Variants in CDK17 observed in about 807,000 individuals in gnomAD.
CDK17 encodes cyclin dependent kinase 17, also known as cyclin-dependent kinase 17.
Under a neutral mutation model 77.6 loss-of-function variants are expected in CDK17, and 24 were observed. The observed-to-expected ratio is 0.31, with a 90% CI of 0.22 to 0.44. The LOEUF (loss-of-function observed/expected upper bound fraction) is 0.44. Among genes scored for constraint, CDK17 ranks in the 20% least tolerant of loss-of-function variants. The probability of loss-of-function intolerance (pLI) is 1.00; values close to 1 mark genes in which losing one functional copy is unlikely to be tolerated. For synonymous variants in CDK17, 203 were observed against 210.4 expected, an observed-to-expected ratio of 0.96 and a Z score of 0.30; for missense variants, 429 against 622.5, an observed-to-expected ratio of 0.69 and a Z score of 3.31.
intron 1 of CDK17, among the ~76,000 whole-genome samples, chr12:96,394,112 G>A (rs1457351123): frequency 6.6e-6 from 1 of 151,946 alleles, no homozygotes. Flanking sequence ...TGGACATGGT[G>A]GTGCACGCCT....
At chr12:96,334,615 T>C in intron 2 of CDK17, 104 bp downstream of exon 2, 1 of 651,360 alleles carries the variant, frequency 1.5e-6, no homozygotes. Context: ...GAGACAGAAA[T>C]AAACAAAGGG....
Position 96,311,261 on chromosome 12 carries a change from T to G in CDK17, c.418-84A>C, listed in dbSNP as rs1270870691. 3 of 1,139,672 alleles carry G rather than the reference T, an allele frequency of 2.6e-6. No homozygotes were observed. The African/African-American group carries it at 4.9e-5, about 19-fold the overall frequency. 70.6% of individuals were successfully genotyped at this position (1,139,672 alleles called of 1,614,324 possible). On this transcript the variant is annotated intron_variant, in intron 4 of 16. Transcript: ENST00000261211. ...TCACAGGCTCTAACATATTATTTCTTAGTGATAAGTAATTGTAAAGTTTTA... is the reference window on the plus strand; with the variant it reads ...TCACAGGCTCTAACATATTATTTCTGAGTGATAAGTAATTGTAAAGTTTTA...
At position 96,349,072 on chromosome 12, in the gene CDK17, C is replaced by T. The variant is rs761304095; in HGVS notation, c.-29-14207G>A. Among the ~76,000 whole-genome samples, 13 of 152,180 alleles carry T rather than the reference C, an allele frequency of 8.5e-5. No individual in the cohort carries two copies. The South Asian group carries it at 1.7e-3, about 19-fold the overall frequency. ...TAAGAAAATACTAACAAATTGAATT[C>T]GGCAGCTTATTAAAAAGATTATACC... On this transcript the variant is annotated intron_variant, in intron 1 of 16. Coordinates refer to ENST00000261211, the MANE Select transcript of CDK17 (RefSeq NM_002595.5).
In CDK17 at chr12:96,286,574, T is replaced by C. The variant is rs563241569; in HGVS notation, c.1216+90A>G. 8.6e-4 allele frequency: 736 copies of C among 859,046 alleles called. 10 individuals are homozygous for C. The South Asian group carries it at 0.011, about 13-fold the overall frequency. The allele number at this position is 859,046 out of a possible 1,614,324, so 53.2% of individuals were successfully genotyped here. A position where few individuals can be genotyped will look rare whatever the true frequency, so the allele number is the denominator to read the frequency against. ...AGCTGTTTATGTTAGTCTCAGTATCTAATTTTAAAATATGTATTTTAGAGA... is the reference window on the plus strand; with the variant it reads ...AGCTGTTTATGTTAGTCTCAGTATCCAATTTTAAAATATGTATTTTAGAGA... On this transcript the variant is annotated intron_variant, in intron 12 of 16. Coordinates refer to ENST00000261211, the MANE Select transcript of CDK17 (RefSeq NM_002595.5).
chr12:96,310,786 GTATT>G (rs1244393644), intron 5 of CDK17, among the ~76,000 whole-genome samples: 2 of 149,458 alleles, frequency 1.3e-5, no homozygotes, highest in African/African-American at 4.9e-5. Context: ...TATCTAGTAT[GTATT>G]TATCTACCTA....
At chr12:96,336,528 T>C (rs1359745733) in intron 1 of CDK17, among the ~76,000 whole-genome samples, 1 of 152,210 alleles carries the variant, frequency 6.6e-6, no homozygotes, top group Non-Finnish European at 1.5e-5. Context: ...AAATACTAAA[T>C]ACACATTAAA....
At chr12:96,296,043 G>C (rs1952400669) in intron 9 of CDK17, among the ~76,000 whole-genome samples, 1 of 152,142 alleles carries the variant, frequency 6.6e-6, no homozygotes, top group Non-Finnish European at 1.5e-5. Flanking sequence ...AGTCTCTCCA[G>C]TCTACATAAT....
Position 96,298,881 on chromosome 12 carries a change from C to T in CDK17, c.703G>A (p.Ala235Thr). 6.4e-7 allele frequency: 1 copy of T among 1,567,712 alleles called. No individual in the cohort carries two copies. The highest frequency in any genetic ancestry group is 8.8e-7 in the Non-Finnish European group (1 of 1,141,142). Residue 235 changes from alanine (A) to threonine (T), a missense_variant, in exon 7 of 17, where the codon GCT (alanine) becomes ACT (threonine). This residue lies in a region of CDK17 where 262 missense variants were observed against 385.4 expected (regional missense o/e 0.68). Transcript: ENST00000261211. ...ATAATTATTATACCTTCTCTTATAG[C>T]TGTGCAGGGTGCACCTTCTTCATGT... ...LEHEEGAPCT[A>T]IREVSLLKDL...
intron 14 of CDK17, 132 bp downstream of exon 14, chr12:96,283,471 A>T (rs1354501182): frequency 2.9e-6 from 2 of 685,306 alleles, no homozygotes; most frequent in Non-Finnish European, 5.1e-6. Flanking sequence ...TTTTAACTTA[A>T]ACATGTGCCT....
intron 4 of CDK17, among the ~76,000 whole-genome samples, chr12:96,311,757 A>C (rs1952648255): frequency 6.6e-6 from 1 of 151,778 alleles, no homozygotes; most frequent in Non-Finnish European, 1.5e-5. Context: ...GAACTGCATA[A>C]ATATTTACTG....
rs779161958 is a variant in CDK17 at position 96,289,222 on chromosome 12, G to A, written c.1063C>T (p.Arg355Trp). The A allele has an allele frequency of 1.2e-6, 2 of 1,613,836 alleles. No homozygotes were observed. The highest frequency in any genetic ancestry group is 1.3e-5 in the African/African-American group (1 of 74,906). Residue 355 changes from arginine (R) to tryptophan (W), a missense_variant, in exon 11 of 17, where the codon CGG becomes TGG. Physicochemically the swap from Arg to Trp is moderately radical, Grantham distance 101 (BLOSUM62 -3). This residue lies in a region of CDK17 where 51 missense variants were observed against 96.5 expected (regional missense o/e 0.53). Transcript: ENST00000261211. Reference sequence around the variant, plus strand: ...GAACCAAGAAGCACATCAGGTGGCCGGTACCATAGTGTGACAACTTCATTT... The same window carrying A: ...GAACCAAGAAGCACATCAGGTGGCCAGTACCATAGTGTGACAACTTCATTT... ...YSNEVVTLWY[R>W]PPDVLLGSSE...
In CDK17 at chr12:96,280,896, T is replaced by C. The variant is rs143560549; in HGVS notation, c.1457-11A>G. On this transcript the variant is annotated splice_polypyrimidine_tract_variant and intron_variant, in intron 15 of 16. Coordinates refer to ENST00000261211, the MANE Select transcript of CDK17 (RefSeq NM_002595.5). Reference sequence around the variant, plus strand: ...TGAATATTGATACACCTAAAATGCATAGACAAAAATTATTAGGTGAAGGTC... The same window carrying C: ...TGAATATTGATACACCTAAAATGCACAGACAAAAATTATTAGGTGAAGGTC... 5,295 of 1,604,372 alleles carry C rather than the reference T, an allele frequency of 3.3e-3. 14 individuals are homozygous for C. The highest frequency in any genetic ancestry group is 3.9e-3 in the Non-Finnish European group (4,527 of 1,175,508).
chr12:96,314,467 C>T (rs556456276), intron 3 of CDK17, among the ~76,000 whole-genome samples: 1 of 152,134 alleles, frequency 6.6e-6, no homozygotes, highest in Non-Finnish European at 1.5e-5. Context: ...TTATTGGAAG[C>T]TAAGCATGTG....
intron 2 of CDK17, among the ~76,000 whole-genome samples, chr12:96,328,219 T>C (rs1261731124): frequency 1.3e-5 from 2 of 152,004 alleles, no homozygotes; most frequent in Non-Finnish European, 2.9e-5. Context: ...TCTGTCACTG[T>C]CTCCCATCAC....
At chr12:96,337,198 G>A (rs921268388) in intron 1 of CDK17, among the ~76,000 whole-genome samples, 7 of 152,124 alleles carry the variant, frequency 4.6e-5, no homozygotes, top group African/African-American at 1.7e-4. Context: ...TCACTCTATG[G>A]TGTGGCTCTT....
chr12:96,310,536 A>G (rs1469606028), intron 5 of CDK17, among the ~76,000 whole-genome samples: 1 of 152,080 alleles, frequency 6.6e-6, no homozygotes, highest in African/African-American at 2.4e-5. Flanking sequence ...TTAGCATCAG[A>G]AGGCAGAGAG....
intron 3 of CDK17, among the ~76,000 whole-genome samples, chr12:96,315,988 G>A (rs1952709311): frequency 6.6e-6 from 1 of 152,158 alleles, no homozygotes; most frequent in African/African-American, 2.4e-5. Context: ...CCGGTCTACA[G>A]CTCCCAGCGT....
intron 12 of CDK17, 23 bp downstream of exon 12, chr12:96,286,641 T>G: frequency 6.4e-7 from 1 of 1,565,784 alleles, no homozygotes. Context: ...GCAAAATCAC[T>G]GGGAAAAGAT....
chr12:96,393,227 A>T (rs1211032889), intron 1 of CDK17, among the ~76,000 whole-genome samples: 2 of 151,810 alleles, frequency 1.3e-5, no homozygotes, highest in African/African-American at 2.4e-5. Context: ...AGCAGGGCAT[A>T]GTGGCAGACA....
Sources: allele counts gnomAD v4.1 joint callset (sites outside exome capture counted in the v4.1 genomes callset), GRCh38; gene constraint gnomAD v4.1.1; regional missense constraint gnomAD v4.1.1; transcripts MANE v1.5; gene names NCBI Gene and HGNC (gene_info 2026-07-23, HGNC 2026-07-21).